Variants in ANKRD13C observed in about 807,000 individuals in gnomAD.
ANKRD13C encodes ankyrin repeat domain-containing protein 13C.
ANKRD13C carries 16 observed loss-of-function variants against 65.5 expected under a neutral mutation model. The observed-to-expected ratio is 0.24, with a 90% CI of 0.17 to 0.37. ANKRD13C has a LOEUF of 0.37. ANKRD13C is among the 10% of genes least tolerant of loss of function. The probability of loss-of-function intolerance (pLI) is 1.00; values close to 1 mark genes in which losing one functional copy is unlikely to be tolerated. For missense variants in ANKRD13C, 503 were observed against 655.9 expected, an observed-to-expected ratio of 0.77 and a Z score of 2.55; for synonymous variants, 235 against 238.7, an observed-to-expected ratio of 0.98 and a Z score of 0.14.
intron 12 of ANKRD13C, among the ~76,000 whole-genome samples, chr1:70,267,191 T>C (rs558337984): frequency 1.3e-5 from 2 of 152,328 alleles, no homozygotes; most frequent in Non-Finnish European, 2.9e-5. Context: ...TCTCTGTCTC[T>C]AATAATTTTC....
rs1387550517 is a variant in ANKRD13C, at chr1:70,297,286, GA to G, written c.922-1026del. ...TTTAACCTACATAGAGTCCCTTTCT[GA>G]TTTTTTTTTTTTTTTTTTTTTTTTG... On this transcript the variant is annotated intron_variant, in intron 7 of 12. Transcript: ENST00000370944. 2.3e-4 allele frequency among the ~76,000 whole-genome samples: 29 copies of G among 125,112 alleles called. 1 individual carries two copies. The highest frequency in any genetic ancestry group is 8.4e-4 in the African/African-American group (28 of 33,434). The allele number at this position is 125,112 out of a possible 152,430, so 82.1% of individuals were successfully genotyped here. A position where few individuals can be genotyped will look rare whatever the true frequency, so the allele number is the denominator to read the frequency against.
chr1:70,279,864 T>C (rs1382012684), intron 9 of ANKRD13C, among the ~76,000 whole-genome samples: 1 of 152,210 alleles, frequency 6.6e-6, no homozygotes, highest in East Asian at 1.9e-4. Flanking sequence ...TAAACTTGTT[T>C]GCTTTTCCCT....
At chr1:70,289,950 C>T (rs187509595) in intron 9 of ANKRD13C, among the ~76,000 whole-genome samples, 13 of 152,282 alleles carry the variant, frequency 8.5e-5, no homozygotes, top group South Asian at 2.1e-4. Flanking sequence ...TCAGCATTCC[C>T]GCTATTAATT....
intron 9 of ANKRD13C, among the ~76,000 whole-genome samples, chr1:70,285,973 C>T (rs1315847164): frequency 2.0e-5 from 3 of 152,078 alleles, no homozygotes; most frequent in Non-Finnish European, 4.4e-5. Context: ...AAACAAAATA[C>T]ATACAAACAT....
At chr1:70,333,183 G>A (rs984163736) in intron 2 of ANKRD13C, among the ~76,000 whole-genome samples, 1 of 152,102 alleles carries the variant, frequency 6.6e-6, no homozygotes, top group African/African-American at 2.4e-5. Context: ...TCCATAAAAT[G>A]GAGATAATAA....
intron 9 of ANKRD13C, among the ~76,000 whole-genome samples, chr1:70,283,103 T>C (rs1679468063): frequency 6.6e-6 from 1 of 152,208 alleles, no homozygotes; most frequent in Non-Finnish European, 1.5e-5. Context: ...TCAATTATCA[T>C]ATTCTAAAAA....
intron 4 of ANKRD13C, among the ~76,000 whole-genome samples, chr1:70,314,437 C>G (rs972054796): frequency 3.3e-5 from 5 of 151,222 alleles, no homozygotes; most frequent in African/African-American, 1.2e-4. Flanking sequence ...TTTGGTCAGG[C>G]TAGTCTCGAA....
rs1206462191 is a variant in ANKRD13C at position 70,259,723 on chromosome 1, T to C, written c.*2994A>G. Among the ~76,000 whole-genome samples the C allele has an allele frequency of 6.6e-6, 1 of 152,182 alleles. No individual in the cohort carries two copies. The highest frequency in any genetic ancestry group is 2.4e-5 in the African/African-American group (1 of 41,460). On this transcript the variant is annotated 3_prime_UTR_variant, in exon 13 of 13. Coordinates refer to ENST00000370944, the MANE Select transcript of ANKRD13C (RefSeq NM_030816.5). ...TAATACCTCCTGTCCATTTCTCTAG[T>C]GGGGGCAAGTTTTACACCAGTTGCT... is the stretch of plus-strand genomic sequence containing the variant.
chr1:70,311,461 T>A (rs190952958), intron 5 of ANKRD13C, among the ~76,000 whole-genome samples: 43 of 152,050 alleles, frequency 2.8e-4, no homozygotes, highest in Admixed American at 1.4e-3. Flanking sequence ...GGTGATAGAG[T>A]GAGACTCCCT....
intron 9 of ANKRD13C, among the ~76,000 whole-genome samples, chr1:70,289,557 C>T (rs1236448043): frequency 3.9e-5 from 6 of 151,912 alleles, no homozygotes; most frequent in Admixed American, 1.3e-4. Context: ...CTCTGCCTCC[C>T]GGGGGTTCAC....
At chr1:70,341,443 C>G (rs1053222437) in intron 1 of ANKRD13C, among the ~76,000 whole-genome samples, 1 of 150,988 alleles carries the variant, frequency 6.6e-6, no homozygotes, top group Non-Finnish European at 1.5e-5. Context: ...CTCACTGCAC[C>G]CTCCGCCTCC....
At chr1:70,279,736 C>G (rs954584458) in intron 9 of ANKRD13C, among the ~76,000 whole-genome samples, 1 of 152,240 alleles carries the variant, frequency 6.6e-6, no homozygotes. Flanking sequence ...CTCCTGGCCT[C>G]AAGTGATCTG....
chr1:70,348,019 C>T (rs1682601600), intron 1 of ANKRD13C, among the ~76,000 whole-genome samples: 1 of 152,138 alleles, frequency 6.6e-6, no homozygotes, highest in East Asian at 1.9e-4. Context: ...CACAAGCCAT[C>T]ATTTTAACCC....
At chr1:70,331,503 G>T (rs932054011) in intron 2 of ANKRD13C, among the ~76,000 whole-genome samples, 2 of 151,758 alleles carry the variant, frequency 1.3e-5, no homozygotes, top group African/African-American at 4.8e-5. Context: ...AGATAAAAGG[G>T]AATAGACTAT....
chr1:70,354,583 G>A lies in ANKRD13C; in HGVS notation c.-175C>T. 2 of 1,399,892 alleles carry A rather than the reference G, an allele frequency of 1.4e-6. No homozygotes were observed. Among genetic ancestry groups the A allele is most frequent in the Non-Finnish European group, 1.9e-6 (2 of 1,068,570 alleles). The allele number at this position is 1,399,892 out of a possible 1,614,324, so 86.7% of individuals were successfully genotyped here. A position where few individuals can be genotyped will look rare whatever the true frequency, so the allele number is the denominator to read the frequency against. ...ATCTCCCGGGGAAGAGCCGGCTCTC[G>A]CCTAGGCACGAAGGGACGCGCGCTC... On this transcript the variant is annotated 5_prime_UTR_variant, in exon 1 of 13. Transcript: ENST00000370944.
chr1:70,263,653 T>C (rs1020948158), intron 12 of ANKRD13C, among the ~76,000 whole-genome samples: 2 of 152,160 alleles, frequency 1.3e-5, no homozygotes, highest in Admixed American at 6.5e-5. Context: ...GAAATTCCCT[T>C]AAAACTCTGA....
chr1:70,334,410 T>C (rs979865658), intron 2 of ANKRD13C, among the ~76,000 whole-genome samples: 1 of 152,006 alleles, frequency 6.6e-6, no homozygotes, highest in Non-Finnish European at 1.5e-5. Context: ...AAGAACTTTG[T>C]TTTTCAACAA....
intron 7 of ANKRD13C, among the ~76,000 whole-genome samples, chr1:70,296,935 G>A (rs1680103173): frequency 6.6e-6 from 1 of 152,130 alleles, no homozygotes; most frequent in South Asian, 2.1e-4. Context: ...ATTCCCTAGT[G>A]CTGGTATATA....
intron 2 of ANKRD13C, among the ~76,000 whole-genome samples, chr1:70,327,067 G>C (rs747827525): frequency 1.3e-5 from 2 of 151,954 alleles, no homozygotes; most frequent in African/African-American, 4.8e-5. Context: ...TAGGTAAAAA[G>C]CTTTATGCTG....
Sources: gnomAD v4.1 joint callset for allele counts (sites outside exome capture counted in the v4.1 genomes callset) on GRCh38, gnomAD v4.1.1 for gene constraint, MANE v1.5 for transcripts, NCBI Gene and HGNC (gene_info 2026-07-23, HGNC 2026-07-21) for gene names.